Variants in TMCC1 observed in about 807,000 individuals in gnomAD.
TMCC1 encodes the protein transmembrane and coiled-coil domain family 1.
Under a neutral mutation model 52.4 loss-of-function variants are expected in TMCC1, and 15 were observed. That is an observed-to-expected ratio of 0.29 (90% CI 0.19 to 0.44). The LOEUF is 0.44. TMCC1 is among the 20% of genes least tolerant of loss of function. The pLI, the probability that TMCC1 is intolerant of heterozygous loss-of-function variation, is 1.00. For synonymous variants in TMCC1, 279 were observed against 301.9 expected (o/e 0.92, Z 0.79); for missense variants, 503 against 806.0 (o/e 0.62, Z 4.55).
chr3:129,788,146 A>T (rs1310241211), intron 4 of TMCC1, among the ~76,000 whole-genome samples: 1 of 152,208 alleles, frequency 6.6e-6, no homozygotes, highest in Non-Finnish European at 1.5e-5. Flanking sequence ...ATCTCTTTTT[A>T]AAATAATACT....
chr3:129,838,744 C>A (rs1577043132), intron 2 of TMCC1, among the ~76,000 whole-genome samples: 2 of 84,788 alleles, frequency 2.4e-5, no homozygotes, highest in African/African-American at 1.0e-4. Context: ...CAGAGCAAGA[C>A]TCTGTCTCAA....
At chr3:129,807,851 A>C (rs2057551205) in intron 4 of TMCC1, among the ~76,000 whole-genome samples, 3 of 152,186 alleles carry the variant, frequency 2.0e-5, no homozygotes, top group Admixed American at 6.5e-5. Context: ...TAGAGTGTAC[A>C]TTTCAAGAAA....
At chr3:129,698,797 A>G (rs1319324085) in intron 4 of TMCC1, among the ~76,000 whole-genome samples, 1 of 152,172 alleles carries the variant, frequency 6.6e-6, no homozygotes, top group Non-Finnish European at 1.5e-5. Flanking sequence ...TAAAGAATAC[A>G]TTACAGAGAA....
At chr3:129,843,071 G>A (rs2059494812) in intron 2 of TMCC1, among the ~76,000 whole-genome samples, 1 of 152,236 alleles carries the variant, frequency 6.6e-6, no homozygotes, top group African/African-American at 2.4e-5. Context: ...AGGAGGCCAG[G>A]TGTGGTGGCT....
intron 4 of TMCC1, among the ~76,000 whole-genome samples, chr3:129,693,630 A>T (rs1411656675): frequency 6.6e-6 from 1 of 151,166 alleles, no homozygotes; most frequent in Non-Finnish European, 1.5e-5. Context: ...GATTATAGGC[A>T]TGAAACACTG....
intron 4 of TMCC1, among the ~76,000 whole-genome samples, chr3:129,705,376 G>C (rs1413184154): frequency 6.6e-6 from 1 of 152,096 alleles, no homozygotes; most frequent in African/African-American, 2.4e-5. Flanking sequence ...AAAACCAGTA[G>C]GGGTCTGGGG....
chr3:129,683,169 C>T (rs72977256), intron 4 of TMCC1, among the ~76,000 whole-genome samples: 15,112 of 152,306 alleles, frequency 0.099, 906 homozygotes, highest in African/African-American at 0.16. Context: ...CTAAGTTCTA[C>T]TGTTTTTGCT....
At chr3:129,664,267 T>C (rs540781385) in intron 5 of TMCC1, among the ~76,000 whole-genome samples, 3 of 152,276 alleles carry the variant, frequency 2.0e-5, no homozygotes, top group East Asian at 1.9e-4. Flanking sequence ...GTCTCACACA[T>C]AGAATAAAGG....
At chr3:129,845,550 A>C (rs1411284272) in intron 2 of TMCC1, among the ~76,000 whole-genome samples, 1 of 152,210 alleles carries the variant, frequency 6.6e-6, no homozygotes, top group African/African-American at 2.4e-5. Flanking sequence ...AAATACTATC[A>C]TTGAAGTATA....
At chr3:129,853,387 G>C (rs981299982) in intron 2 of TMCC1, among the ~76,000 whole-genome samples, 2 of 152,080 alleles carry the variant, frequency 1.3e-5, no homozygotes, top group Admixed American at 6.6e-5. Context: ...CCCTTTAGAA[G>C]GTAAAGGCAA....
At chr3:129,838,701 C>T (rs1466462184) in intron 2 of TMCC1, among the ~76,000 whole-genome samples, 2 of 141,968 alleles carry the variant, frequency 1.4e-5, no homozygotes, top group African/African-American at 5.4e-5. Flanking sequence ...TGCAGTGAGC[C>T]GAGATCGCGC....
At chr3:129,771,797 A>AAAAAAAAAAAAG (rs60824072) in intron 4 of TMCC1, among the ~76,000 whole-genome samples, 21 of 86,826 alleles carry the variant, frequency 2.4e-4, no homozygotes, top group East Asian at 1.0e-3. Context: ...AAAAAAAAAA[A>AAAAAAAAAAAAG]AAGAAGAAGA....
chr3:129,795,454 C>T (rs891588525), intron 4 of TMCC1, among the ~76,000 whole-genome samples: 1 of 22,250 alleles, frequency 4.5e-5, no homozygotes, highest in Non-Finnish European at 9.3e-5. Context: ...AGAACTCATT[C>T]GTATATTTTT....
intron 4 of TMCC1, among the ~76,000 whole-genome samples, chr3:129,689,276 C>T (rs2108944316): frequency 6.6e-6 from 1 of 152,258 alleles, no homozygotes; most frequent in Middle Eastern, 3.4e-3. Context: ...TACTGAACAC[C>T]CAAGACACTA....
At chr3:129,670,264 T>C in intron 5 of TMCC1, 66 bp downstream of exon 5, 1 of 1,503,132 alleles carries the variant, frequency 6.7e-7, no homozygotes, top group South Asian at 1.3e-5. Flanking sequence ...AAAAGCCATT[T>C]CCCCATATCT....
chr3:129,796,478 CT>C (rs772378392), intron 4 of TMCC1, among the ~76,000 whole-genome samples: 69 of 152,264 alleles, frequency 4.5e-4, no homozygotes, highest in Non-Finnish European at 7.5e-4. Context: ...TAAGGGAAGA[CT>C]ACTGTAGTAT....
chr3:129,689,159 C>T (rs1450584988), intron 4 of TMCC1, among the ~76,000 whole-genome samples: 4 of 152,158 alleles, frequency 2.6e-5, no homozygotes, highest in Non-Finnish European at 4.4e-5. Flanking sequence ...ACTCTAAAAT[C>T]GTATTCACTA....
At position 129,712,001 on chromosome 3, in the gene TMCC1, CAAAAAAAA is replaced by C. The variant is rs71155567; in HGVS notation, c.577-40745_577-40738del. On this transcript the variant is annotated intron_variant, in intron 4 of 6. Coordinates refer to ENST00000393238, the MANE Select transcript of TMCC1 (RefSeq NM_001017395.5). ...TGGGCGACAGAGTGAGACTCTGTCT[CAAAAAAAA>C]AAAAAAAAAAAAAAAAAATTAGCCA... Among the ~76,000 whole-genome samples, 14 of 47,718 alleles carry C rather than the reference CAAAAAAAA, an allele frequency of 2.9e-4. No homozygotes were observed. The East Asian group carries it at 6.7e-3, about 23-fold the overall frequency. The allele number at this position is 47,718 out of a possible 152,430, so 31.3% of individuals were successfully genotyped here. A position where few individuals can be genotyped will look rare whatever the true frequency, so the allele number is the denominator to read the frequency against.
rs1560100757 is a variant in TMCC1 at position 129,647,936 on chromosome 3, G to A, written c.*3545C>T. ...TCAACTACAGTGTTAACGTTCACAC[G>A]TTCACAAGTGTCATTTCTTTACGTT... is the stretch of plus-strand genomic sequence containing the variant. On this transcript the variant is annotated 3_prime_UTR_variant, in exon 7 of 7. Coordinates refer to ENST00000393238, the MANE Select transcript of TMCC1 (RefSeq NM_001017395.5). The A allele has an allele frequency of 6.6e-6, 1 of 152,584 alleles. No homozygotes were observed. Among genetic ancestry groups the A allele is most frequent in the Non-Finnish European group, 1.5e-5 (1 of 68,032 alleles). 9.5% of individuals were successfully genotyped at this position (152,584 alleles called of 1,614,324 possible). A position where few individuals can be genotyped will look rare whatever the true frequency, so the allele number is the denominator to read the frequency against.
Sources: gnomAD v4.1 joint callset for allele counts (sites outside exome capture counted in the v4.1 genomes callset) on GRCh38, gnomAD v4.1.1 for gene constraint, MANE v1.5 for transcripts, NCBI Gene and HGNC (gene_info 2026-07-23, HGNC 2026-07-21) for gene names.